The following TGFBR3 variants were observed in gnomAD, a reference collection of about 807,000 sequenced individuals.
TGFBR3 encodes the protein transforming growth factor beta receptor 3, also known as transforming growth factor beta receptor type 3.
TGFBR3 carries 46 observed loss-of-function variants against 87.9 expected under a neutral mutation model. That is an observed-to-expected ratio of 0.52 (90% CI 0.41 to 0.67). The LOEUF (loss-of-function observed/expected upper bound fraction) is 0.67. Ranked by LOEUF, TGFBR3 falls within the 30% of genes least tolerant of loss-of-function variation. The probability of loss-of-function intolerance (pLI) is 0.00; values close to 1 mark genes in which losing one functional copy is unlikely to be tolerated. For missense variants in TGFBR3, 866 were observed against 1,041.9 expected, an observed-to-expected ratio of 0.83 and a Z score of 2.32; for synonymous variants, 381 against 391.6, an observed-to-expected ratio of 0.97 and a Z score of 0.32.
intron 2 of TGFBR3, among the ~76,000 whole-genome samples, chr1:91,800,552 T>C (rs1382347309): frequency 6.6e-6 from 1 of 151,758 alleles, no homozygotes; most frequent in Non-Finnish European, 1.5e-5. Context: ...TGGCTTGACG[T>C]TTAAATACAC....
intron 1 of TGFBR3, among the ~76,000 whole-genome samples, chr1:91,883,994 A>G (rs895228581): frequency 9.9e-5 from 15 of 152,142 alleles, no homozygotes; most frequent in Non-Finnish European, 5.9e-5. Flanking sequence ...GTGATCAACA[A>G]TGTCTGGAGA....
rs1670896039 is a variant in TGFBR3 at position 91,681,179 on chromosome 1, T to C, written c.*2560A>G. On this transcript the variant is annotated 3_prime_UTR_variant, in exon 17 of 17. Transcript: ENST00000212355. ...TTATAAAAGTAGAGCTTGTACTTTGTATTAAAACTGTAAAGTGTGAAGCAA... is the reference window on the plus strand; with the variant it reads ...TTATAAAAGTAGAGCTTGTACTTTGCATTAAAACTGTAAAGTGTGAAGCAA... The C allele has an allele frequency of 2.2e-6, 1 of 453,824 alleles. No individual in the cohort carries two copies. The highest frequency in any genetic ancestry group is 4.4e-6 in the Non-Finnish European group (1 of 226,690). 28.1% of individuals were successfully genotyped at this position (453,824 alleles called of 1,614,324 possible).
intron 15 of TGFBR3, among the ~76,000 whole-genome samples, chr1:91,696,642 T>A (rs1671442928): frequency 6.6e-6 from 1 of 152,170 alleles, no homozygotes; most frequent in Non-Finnish European, 1.5e-5. Context: ...TTAAAATTGG[T>A]TTCCAAGGGG....
At chr1:91,884,319 CAA>C (rs368144492) in intron 1 of TGFBR3, among the ~76,000 whole-genome samples, 11 of 119,112 alleles carry the variant, frequency 9.2e-5, no homozygotes, top group Admixed American at 2.7e-4. Context: ...ACTCTGTCAC[CAA>C]AAAAAAAAAA....
rs768750878 is a variant in TGFBR3 at position 91,683,714 on chromosome 1, T to C, written c.*25A>G. The C allele has an allele frequency of 1.3e-6, 2 of 1,527,736 alleles. No individual in the cohort carries two copies. Among genetic ancestry groups the C allele is most frequent in the Admixed American group, 2.0e-5 (1 of 51,182 alleles). The allele number at this position is 1,527,736 out of a possible 1,614,324, so 94.6% of individuals were successfully genotyped here. On this transcript the variant is annotated 3_prime_UTR_variant, in exon 17 of 17. Transcript: ENST00000212355. Reference sequence around the variant, plus strand: ...CTGAGCTGAGCTGGGCTGGGCTGGGTTGGGCCGGGTTGGGCTGGGTTGGGC... The same window carrying C: ...CTGAGCTGAGCTGGGCTGGGCTGGGCTGGGCCGGGTTGGGCTGGGTTGGGC...
At chr1:91,709,761 G>C (rs1417928160) in intron 13 of TGFBR3, among the ~76,000 whole-genome samples, 1 of 152,106 alleles carries the variant, frequency 6.6e-6, no homozygotes, top group African/African-American at 2.4e-5. Context: ...AATAGGTATA[G>C]TTCTTTTTTA....
intron 3 of TGFBR3, among the ~76,000 whole-genome samples, chr1:91,787,150 A>G (rs1160918778): frequency 6.6e-6 from 1 of 151,980 alleles, no homozygotes; most frequent in Admixed American, 6.5e-5. Flanking sequence ...AAAATACAAA[A>G]ATTAGCTGGG....
At position 91,683,595 on chromosome 1, in the gene TGFBR3, T is replaced by C; in HGVS notation, c.*144A>G. 1.4e-6 allele frequency: 1 copy of C among 725,450 alleles called. No individual in the cohort carries two copies. Among genetic ancestry groups the C allele is most frequent in the Non-Finnish European group, 2.4e-6 (1 of 411,206 alleles). 44.9% of individuals were successfully genotyped at this position (725,450 alleles called of 1,614,324 possible). A position where few individuals can be genotyped will look rare whatever the true frequency, so the allele number is the denominator to read the frequency against. On this transcript the variant is annotated 3_prime_UTR_variant, in exon 17 of 17. Transcript: ENST00000212355. ...GGGTGAATACAACGGGTGATCTTTATACTGAAATTCACTCTGTCTTTACAA... is the reference window on the plus strand; with the variant it reads ...GGGTGAATACAACGGGTGATCTTTACACTGAAATTCACTCTGTCTTTACAA...
At chr1:91,902,528 C>T (rs1679748460) in intron 1 of TGFBR3, among the ~76,000 whole-genome samples, 1 of 151,996 alleles carries the variant, frequency 6.6e-6, no homozygotes, top group East Asian at 1.9e-4. Flanking sequence ...AGTGATCTTC[C>T]TACCTCGGCC....
At chr1:91,730,082 C>G in intron 5 of TGFBR3, 109 bp from the exon 6 acceptor site, 2 of 1,245,002 alleles carry the variant, frequency 1.6e-6, no homozygotes, top group Middle Eastern at 2.4e-4. Flanking sequence ...CAGGGAACCA[C>G]GAGCTCAAAG....
intron 1 of TGFBR3, among the ~76,000 whole-genome samples, chr1:91,863,516 A>G (rs2101204430): frequency 6.6e-6 from 1 of 152,336 alleles, no homozygotes; most frequent in East Asian, 1.9e-4. Context: ...CAACCAACCA[A>G]ATAAATGTTA....
At position 91,707,314 on chromosome 1, in the gene TGFBR3, C is replaced by A. The variant is rs190935109; in HGVS notation, c.2287+1349G>T. On this transcript the variant is annotated intron_variant, in intron 14 of 16. Transcript: ENST00000212355. ...GCCATTTTGAGGGAGCACATTCATTCATAGGAAGGGGGCAGATGCCACCAC... is the reference window on the plus strand; with the variant it reads ...GCCATTTTGAGGGAGCACATTCATTAATAGGAAGGGGGCAGATGCCACCAC... Among the ~76,000 whole-genome samples the A allele has an allele frequency of 1.3e-4, 20 of 152,344 alleles. No homozygotes were observed. The East Asian group carries it at 3.9e-3, about 29-fold the overall frequency.
At chr1:91,684,326 T>G (rs1291348261) in intron 16 of TGFBR3, among the ~76,000 whole-genome samples, 1 of 152,232 alleles carries the variant, frequency 6.6e-6, no homozygotes, top group East Asian at 1.9e-4. Context: ...TTGTTCTGAA[T>G]GCACTTGTTA....
chr1:91,836,225 C>A (rs1175144709), intron 2 of TGFBR3, among the ~76,000 whole-genome samples: 1 of 151,936 alleles, frequency 6.6e-6, no homozygotes, highest in South Asian at 2.1e-4. Context: ...CCAGCCTGGG[C>A]AACAAGAGCA....
intron 2 of TGFBR3, among the ~76,000 whole-genome samples, chr1:91,850,910 A>G (rs1677706669): frequency 1.3e-5 from 2 of 151,352 alleles, no homozygotes; most frequent in Admixed American, 1.3e-4. Flanking sequence ...GAAGGAAGGG[A>G]GGTGTTACTC....
Position 91,782,417 on chromosome 1 carries a change from C to A in TGFBR3, c.246+14870G>T, listed in dbSNP as rs550986470. On this transcript the variant is annotated intron_variant, in intron 3 of 16. Transcript: ENST00000212355. The stretch of plus-strand genomic sequence containing the variant: ...CACCTACATGCCCATGTGCCCAACA[C>A]GGAATCATGTGTGTCCCAACGGACC... 4.6e-5 allele frequency among the ~76,000 whole-genome samples: 7 copies of A among 152,314 alleles called. No homozygotes were observed. The South Asian group carries it at 1.2e-3, about 27-fold the overall frequency.
chr1:91,862,871 C>A (rs965530058), intron 1 of TGFBR3, among the ~76,000 whole-genome samples: 2 of 152,336 alleles, frequency 1.3e-5, no homozygotes, highest in African/African-American at 4.8e-5. Context: ...CCTTGTCATC[C>A]TCACTCAGGA....
At chr1:91,811,294 A>G (rs1676020957) in intron 2 of TGFBR3, among the ~76,000 whole-genome samples, 1 of 152,210 alleles carries the variant, frequency 6.6e-6, no homozygotes, top group South Asian at 2.1e-4. Flanking sequence ...TCTGGGTGAC[A>G]CAGTGAGACC....
chr1:91,709,589 T>C (rs1439030410), intron 13 of TGFBR3, among the ~76,000 whole-genome samples: 2 of 152,192 alleles, frequency 1.3e-5, no homozygotes, highest in African/African-American at 2.4e-5. Flanking sequence ...TGTTTCAAAA[T>C]GCAGATCCTG....
Sources: gnomAD v4.1 joint callset for allele counts (sites outside exome capture counted in the v4.1 genomes callset) on GRCh38, gnomAD v4.1.1 for gene constraint, MANE v1.5 for transcripts, NCBI Gene and HGNC (gene_info 2026-07-23, HGNC 2026-07-21) for gene names.